The following SLC39A11 variants were observed in gnomAD, a reference collection of about 807,000 sequenced individuals.
SLC39A11 encodes the protein solute carrier family 39 member 11.
A neutral mutation model predicts 36.1 loss-of-function variants in SLC39A11; 33 were observed. The ratio of observed to expected loss-of-function variants is 0.91; its 90% confidence interval spans 0.69 to 1.22. SLC39A11 has a LOEUF of 1.22. Among genes scored for constraint, SLC39A11 ranks in the 50% most tolerant of loss-of-function variants. The pLI is 0.00. For missense variants in SLC39A11, 432 were observed against 430.3 expected (o/e 1.00, Z -0.03); for synonymous variants, 166 against 170.3 (o/e 0.97, Z 0.20).
intron 6 of SLC39A11, among the ~76,000 whole-genome samples, chr17:72,781,289 G>A (rs1377795151): frequency 6.6e-6 from 1 of 151,936 alleles, no homozygotes; most frequent in East Asian, 1.9e-4. Flanking sequence ...AAGAAAACCA[G>A]CTTCAGAGAA....
chr17:73,021,345 T>TC (rs200480143), intron 4 of SLC39A11, among the ~76,000 whole-genome samples: 112 of 150,558 alleles, frequency 7.4e-4, no homozygotes, highest in Non-Finnish European at 6.1e-4. Flanking sequence ...TTTCTTTCTT[T>TC]CTTTTTTTTT....
At chr17:72,680,933 G>GCA (rs2071484940) in intron 7 of SLC39A11, among the ~76,000 whole-genome samples, 1 of 152,024 alleles carries the variant, frequency 6.6e-6, no homozygotes, top group African/African-American at 2.4e-5. Flanking sequence ...TGGTGTACAC[G>GCA]TTTTCGGTTT....
chr17:72,934,137 AT>A (rs1270646948), intron 5 of SLC39A11, among the ~76,000 whole-genome samples: 4 of 152,116 alleles, frequency 2.6e-5, no homozygotes, highest in East Asian at 1.9e-4. Context: ...GAAAAAAAAA[AT>A]AGGAGAAAAC....
chr17:73,046,069 G>A (rs528908628), intron 3 of SLC39A11, among the ~76,000 whole-genome samples: 6 of 152,230 alleles, frequency 3.9e-5, no homozygotes, highest in Middle Eastern at 3.4e-3. Flanking sequence ...GAGAAGACTC[G>A]GCAGTCTGGC....
chr17:72,759,982 T>C (rs1176622462), intron 6 of SLC39A11, among the ~76,000 whole-genome samples: 1 of 152,108 alleles, frequency 6.6e-6, no homozygotes, highest in African/African-American at 2.4e-5. Context: ...GGTCATGGAA[T>C]CTTGTTTGTT....
chr17:72,684,917 T>A (rs906197006), intron 7 of SLC39A11, among the ~76,000 whole-genome samples: 1 of 152,196 alleles, frequency 6.6e-6, no homozygotes, highest in Non-Finnish European at 1.5e-5. Flanking sequence ...GGGGTTCTGA[T>A]GACACGTTAA....
In SLC39A11 at chr17:72,769,227, G is replaced by A. The variant is rs117952388; in HGVS notation, c.602-32508C>T. On this transcript the variant is annotated intron_variant, in intron 6 of 9. Coordinates refer to ENST00000255559, the MANE Select transcript of SLC39A11 (RefSeq NM_139177.4). ...TGGGGTGACCCCAGAGTCCATGACA[G>A]TTAACAGCCCTTTACCCTTCCACGG... Among the ~76,000 whole-genome samples, 57 of 152,312 alleles carry A rather than the reference G, an allele frequency of 3.7e-4. 1 individual carries two copies. In the East Asian group the frequency reaches 0.01, roughly 28 times the overall value.
chr17:72,798,361 C>G (rs549343277), intron 6 of SLC39A11, among the ~76,000 whole-genome samples: 1 of 151,360 alleles, frequency 6.6e-6, no homozygotes, highest in South Asian at 2.1e-4. Flanking sequence ...TCCACTGTGT[C>G]CTCACATGGT....
At chr17:72,895,124 T>C (rs2081965853) in intron 5 of SLC39A11, among the ~76,000 whole-genome samples, 1 of 152,088 alleles carries the variant, frequency 6.6e-6, no homozygotes. Flanking sequence ...TGGTGGGTGC[T>C]AGTCGCATTG....
chr17:72,931,052 G>A (rs2084365522), intron 5 of SLC39A11, among the ~76,000 whole-genome samples: 2 of 152,156 alleles, frequency 1.3e-5, no homozygotes, highest in South Asian at 4.1e-4. Context: ...ATTCTTCAAG[G>A]AGCTGCTGAT....
At chr17:72,941,663 C>T (rs2085107005) in intron 5 of SLC39A11, among the ~76,000 whole-genome samples, 1 of 151,844 alleles carries the variant, frequency 6.6e-6, no homozygotes, top group Admixed American at 6.6e-5. Flanking sequence ...TAAAGCGTAC[C>T]CACCCTGATA....
chr17:72,863,239 A>G lies in SLC39A11; in HGVS notation c.431-13435T>C, dbSNP rs180835286. Among the ~76,000 whole-genome samples, 14 of 152,306 alleles carry G rather than the reference A, an allele frequency of 9.2e-5. No homozygotes were observed. The East Asian group carries it at 2.7e-3, about 29-fold the overall frequency. On this transcript the variant is annotated intron_variant, in intron 5 of 9. Transcript: ENST00000255559. ...CTCTCATTTTACACACCTTGCCCCAAACGAAGCAAATTACCTTTTGCCAAG... is the reference window on the plus strand; with the variant it reads ...CTCTCATTTTACACACCTTGCCCCAGACGAAGCAAATTACCTTTTGCCAAG...
chr17:73,036,372 G>C (rs1485443611), intron 3 of SLC39A11, among the ~76,000 whole-genome samples: 1 of 152,066 alleles, frequency 6.6e-6, no homozygotes, highest in African/African-American at 2.4e-5. Flanking sequence ...TGGTACAATT[G>C]ATACAGCTGA....
chr17:72,734,802 G>C (rs548932990), intron 7 of SLC39A11, among the ~76,000 whole-genome samples: 3 of 152,162 alleles, frequency 2.0e-5, no homozygotes, highest in Non-Finnish European at 4.4e-5. Context: ...CCTCTGCAGC[G>C]TGTGCGGTTT....
intron 7 of SLC39A11, among the ~76,000 whole-genome samples, chr17:72,717,417 C>G (rs1339844256): frequency 1.3e-5 from 2 of 152,144 alleles, no homozygotes; most frequent in African/African-American, 2.4e-5. Context: ...TATGCTCCCC[C>G]TGAAGGCTCT....
intron 7 of SLC39A11, among the ~76,000 whole-genome samples, chr17:72,735,747 G>C (rs2074402145): frequency 6.6e-6 from 1 of 152,174 alleles, no homozygotes; most frequent in African/African-American, 2.4e-5. Flanking sequence ...ATCCTGCAGA[G>C]TGTGGCATTT....
chr17:72,986,622 G>C (rs76960297), intron 4 of SLC39A11, among the ~76,000 whole-genome samples: 7,559 of 152,308 alleles, frequency 0.05, 224 homozygotes, highest in Non-Finnish European at 0.066. Flanking sequence ...GACACATACA[G>C]TCTTGGGCCC....
chr17:73,004,219 G>GAAAGAAAGAAAGAAAGAAAGAAAGA (rs1555674190), intron 4 of SLC39A11, among the ~76,000 whole-genome samples: 3 of 79,316 alleles, frequency 3.8e-5, no homozygotes, highest in African/African-American at 2.4e-4. Context: ...AAGAAAGAAA[G>GAAAGAAAGAAAGAAAGAAAGAAAGA]AAAGAAAGAA....
At chr17:72,883,354 T>C (rs747403221) in intron 5 of SLC39A11, among the ~76,000 whole-genome samples, 23 of 152,324 alleles carry the variant, frequency 1.5e-4, no homozygotes, top group African/African-American at 5.1e-4. Flanking sequence ...TAACCACAGA[T>C]GGCTGCTGCC....
Sources: gnomAD v4.1 joint callset for allele counts (sites outside exome capture counted in the v4.1 genomes callset) on GRCh38, gnomAD v4.1.1 for gene constraint, MANE v1.5 for transcripts, NCBI Gene and HGNC (gene_info 2026-07-23, HGNC 2026-07-21) for gene names.